Variants in RARA observed in about 807,000 individuals in gnomAD.
RARA encodes PML-DDX5-RARA fusion.
A neutral mutation model predicts 42.8 loss-of-function variants in RARA; 5 were observed. The ratio of observed to expected loss-of-function variants is 0.12; its 90% confidence interval spans 0.06 to 0.25. The LOEUF (loss-of-function observed/expected upper bound fraction) is 0.25. Ranked by LOEUF, RARA falls within the 10% of genes least tolerant of loss-of-function variation. The pLI, the probability that RARA is intolerant of heterozygous loss-of-function variation, is 1.00. For missense variants in RARA, 402 were observed against 628.7 expected (o/e 0.64, Z 3.86); for synonymous variants, 256 against 259.5 (o/e 0.99, Z 0.13).
chr17:40,330,802 A>C, intron 1 of RARA, 55 bp from the exon 2 acceptor site: 4 of 226,056 alleles, frequency 1.8e-5, no homozygotes, highest in Non-Finnish European at 3.5e-5. Flanking sequence ...TCCACGGGGA[A>C]TGCCTGTGTG....
Position 40,356,110 on chromosome 17 carries a change from G to A in RARA, c.1273G>A (p.Gly425Arg), listed in dbSNP as rs1400641137. Residue 425 changes from glycine to arginine, a missense_variant, in exon 9 of 9, where the codon GGA (glycine) becomes AGA (arginine). Around this residue, in one of 5 missense-constraint regions of RARA, gnomAD observed 73 missense variants for 59.8 expected, o/e 1.22. Coordinates refer to ENST00000254066, the MANE Select transcript of RARA (RefSeq NM_000964.4). ...ENSEGLDTLS[G>R]QPGGGGRDGG... ...CTCAGAGGGCCTGGACACTCTGAGC[G>A]GACAGCCGGGGGGTGGGGGGCGGGA... 1.8e-5 allele frequency: 12 copies of A among 657,024 alleles called. No individual in the cohort carries two copies. Among genetic ancestry groups the A allele is most frequent in the Non-Finnish European group, 2.6e-5 (10 of 390,848 alleles). 40.7% of individuals were successfully genotyped at this position (657,024 alleles called of 1,614,324 possible). A position where few individuals can be genotyped will look rare whatever the true frequency, so the allele number is the denominator to read the frequency against.
intron 2 of RARA, chr17:40,343,041 C>T: frequency 7.5e-7 from 1 of 1,329,260 alleles, no homozygotes; most frequent in Admixed American, 3.1e-5. Context: ...ACCCTCCCCC[C>T]AGTAACCCTA....
At chr17:40,348,201 C>T in intron 2 of RARA, 115 bp from the exon 3 acceptor site, 1 of 1,302,368 alleles carries the variant, frequency 7.7e-7, no homozygotes, top group South Asian at 1.6e-5. Flanking sequence ...TTGAATCCTG[C>T]CAGCAGTGGT....
chr17:40,315,342 G>A (rs1055442593), intron 1 of RARA, among the ~76,000 whole-genome samples: 10 of 151,652 alleles, frequency 6.6e-5, no homozygotes, highest in African/African-American at 1.2e-4. Flanking sequence ...CACCATACCT[G>A]GCCTGGGTTT....
In RARA at chr17:40,326,217, G is replaced by C. The variant is rs1440713747; in HGVS notation, c.-362-4640G>C. On this transcript the variant is annotated intron_variant, in intron 1 of 8. Coordinates refer to ENST00000254066, the MANE Select transcript of RARA (RefSeq NM_000964.4). The surrounding 1 kb of genome is among the most constrained non-coding windows in gnomAD (Gnocchi z 5.2). ...AGGGGCACCAAGGTGGTGGCAAGAG[G>C]CATGGGGATGGAGGGCTCCAGTTGC... Among the ~76,000 whole-genome samples the C allele has an allele frequency of 2.0e-5, 3 of 152,250 alleles. No homozygotes were observed. The highest frequency in any genetic ancestry group is 1.9e-4 in the East Asian group (1 of 5,200).
chr17:40,342,724 T>TG (rs776808327), intron 2 of RARA: 14 of 1,612,168 alleles, frequency 8.7e-6, no homozygotes, highest in East Asian at 2.2e-5. Flanking sequence ...AGTGTAGAAG[T>TG]GGGGGGTCCC....
intron 1 of RARA, among the ~76,000 whole-genome samples, chr17:40,327,713 C>T (rs1394455603): frequency 6.6e-6 from 1 of 152,114 alleles, no homozygotes; most frequent in Non-Finnish European, 1.5e-5. Flanking sequence ...CGTGCTCTTG[C>T]CCACCCAGAT....
Position 40,354,244 on chromosome 17 carries a change from C to G in RARA, c.808-58C>G, listed in dbSNP as rs533711771. The G allele has an allele frequency of 3.8e-5, 58 of 1,541,104 alleles. No homozygotes were observed. Among genetic ancestry groups the G allele is most frequent in the Non-Finnish European group, 4.7e-5 (53 of 1,122,176 alleles). ...GAGTGCTGGTGCGGAGTGCTGGTGC[C>G]GAGTGCTCAGAGTGGGTTCGGGTTC... On this transcript the variant is annotated intron_variant, in intron 6 of 8. Transcript: ENST00000254066. This position sits in a 1 kb window ranked among gnomAD's most constrained non-coding sequence, Gnocchi z 4.5.
At chr17:40,343,381 C>T (rs769671226) in intron 2 of RARA, among the ~76,000 whole-genome samples, 1 of 152,190 alleles carries the variant, frequency 6.6e-6, no homozygotes. Flanking sequence ...CAGGGGAGCA[C>T]TCAGTGTCTT....
Position 40,351,516 on chromosome 17 carries a change from C to A in RARA, c.470-394C>A. ...TCCCAAGGGACCCCCAGGGAGACTG[C>A]AGCTGGGAGGGCTGGGTGAGTGGAG... is the stretch of plus-strand genomic sequence containing the variant. On this transcript the variant is annotated intron_variant, in intron 4 of 8. Coordinates refer to ENST00000254066, the MANE Select transcript of RARA (RefSeq NM_000964.4). The surrounding 1 kb of genome is among the most constrained non-coding windows in gnomAD (Gnocchi z 4.1). 2.1e-6 allele frequency: 1 copy of A among 474,414 alleles called. No homozygotes were observed. The allele number at this position is 474,414 out of a possible 1,614,324, so 29.4% of individuals were successfully genotyped here.
rs2034684223 is a variant in RARA at position 40,357,504 on chromosome 17, C to T, written c.*1278C>T. ...GGGGTCTCCCCTCACCCCTGCACCC[C>T]CAGCTGGGGGAGCTGGCTCTGCCCC... On this transcript the variant is annotated 3_prime_UTR_variant, in exon 9 of 9. Coordinates refer to ENST00000254066, the MANE Select transcript of RARA (RefSeq NM_000964.4). The T allele has an allele frequency of 4.3e-6, 1 of 232,508 alleles. No individual in the cohort carries two copies. The highest frequency in any genetic ancestry group is 8.5e-6 in the Non-Finnish European group (1 of 117,684). The allele number at this position is 232,508 out of a possible 1,614,324, so 14.4% of individuals were successfully genotyped here. A position where few individuals can be genotyped will look rare whatever the true frequency, so the allele number is the denominator to read the frequency against.
chr17:40,315,988 G>A (rs1054800512), intron 1 of RARA, among the ~76,000 whole-genome samples: 10 of 152,210 alleles, frequency 6.6e-5, no homozygotes, highest in African/African-American at 2.4e-4. Context: ...GTCCCTGGTG[G>A]GAGGGGGTGG....
intron 2 of RARA, chr17:40,341,864 C>A: frequency 9.7e-7 from 1 of 1,028,408 alleles, no homozygotes; most frequent in Non-Finnish European, 1.3e-6. Context: ...CCTCTTCCGT[C>A]CTTGTCCCCT....
chr17:40,342,262 G>A lies in RARA; in HGVS notation c.179-6054G>A, dbSNP rs2034084349. The A allele has an allele frequency of 3.8e-6, 4 of 1,056,828 alleles. No homozygotes were observed. In the South Asian group the frequency reaches 1.3e-4, roughly 35 times the overall value. The allele number at this position is 1,056,828 out of a possible 1,614,324, so 65.5% of individuals were successfully genotyped here. A position where few individuals can be genotyped will look rare whatever the true frequency, so the allele number is the denominator to read the frequency against. On this transcript the variant is annotated intron_variant, in intron 2 of 8. Transcript: ENST00000254066. ...CACCCCCACCCGGAATCCTCGCCAC[G>A]GAGAATCCCTGGAGAAGCCCCGGAT...
chr17:40,331,976 TGA>T (rs1004127802), intron 2 of RARA, among the ~76,000 whole-genome samples: 17 of 152,140 alleles, frequency 1.1e-4, no homozygotes, highest in Admixed American at 2.0e-4. Context: ...GTGGATAGGG[TGA>T]GTGTCCCAGG....
At chr17:40,341,269 C>T (rs1421809809) in intron 2 of RARA, 2 of 1,331,022 alleles carry the variant, frequency 1.5e-6, no homozygotes, top group Non-Finnish European at 2.0e-6. Context: ...CTAGGAGACA[C>T]CTTGGGCGGG....
intron 3 of RARA, chr17:40,349,121 C>G (rs1235602584): frequency 1.3e-5 from 2 of 155,056 alleles, no homozygotes; most frequent in African/African-American, 4.8e-5. Flanking sequence ...GTAGCTATCC[C>G]CAGATGTGGG....
intron 1 of RARA, among the ~76,000 whole-genome samples, chr17:40,312,416 G>A (rs1954707698): frequency 6.6e-6 from 1 of 152,254 alleles, no homozygotes; most frequent in South Asian, 2.1e-4. Context: ...GTGGGGGTAA[G>A]GCAGGGCATG....
intron 2 of RARA, among the ~76,000 whole-genome samples, chr17:40,337,077 C>T (rs988640566): frequency 1.3e-5 from 2 of 152,196 alleles, no homozygotes; most frequent in African/African-American, 2.4e-5. Flanking sequence ...GTGTCAGGGG[C>T]TTTGTCTGTG....
Sources: gnomAD v4.1 joint callset for allele counts (sites outside exome capture counted in the v4.1 genomes callset) on GRCh38, gnomAD v4.1.1 for gene constraint, gnomAD v4.1.1 regional missense constraint, Gnocchi (gnomAD v3.1) non-coding constraint, MANE v1.5 for transcripts, NCBI Gene and HGNC (gene_info 2026-07-23, HGNC 2026-07-21) for gene names.